The following CSMD1 variants were observed in gnomAD, a reference collection of about 807,000 sequenced individuals.
The protein encoded by CSMD1 is CUB and Sushi multiple domains 1.
A neutral mutation model predicts 417.5 loss-of-function variants in CSMD1; 213 were observed. That is an observed-to-expected ratio of 0.51 (90% CI 0.46 to 0.57). The LOEUF is 0.57. Among genes scored for constraint, CSMD1 ranks in the 20% least tolerant of loss-of-function variants. The pLI is 0.00. For synonymous variants in CSMD1, 2,862 were observed against 1,736.8 expected, an observed-to-expected ratio of 1.65 and a Z score of -16.11; for missense variants, 6,923 against 4,529.7, an observed-to-expected ratio of 1.53 and a Z score of -15.17.
intron 5 of CSMD1, among the ~76,000 whole-genome samples, chr8:3,889,513 T>A (rs1806807403): frequency 8.6e-6 from 1 of 116,238 alleles, no homozygotes; most frequent in South Asian, 3.2e-4. Context: ...CATTAGGTCA[T>A]GATATATACA....
chr8:3,649,746 C>G (rs940610460), intron 7 of CSMD1, among the ~76,000 whole-genome samples: 3 of 152,088 alleles, frequency 2.0e-5, no homozygotes, highest in Non-Finnish European at 4.4e-5. Context: ...GACACAAAGC[C>G]TAACCATAAC....
intron 1 of CSMD1, among the ~76,000 whole-genome samples, chr8:4,840,330 C>T (rs1233134551): frequency 6.6e-6 from 1 of 152,218 alleles, no homozygotes; most frequent in African/African-American, 2.4e-5. Context: ...CAGCTGTTAA[C>T]TGTTATCTGT....
Position 4,419,702 on chromosome 8 carries a change from A to T in CSMD1, c.415+251T>A, listed in dbSNP as rs542782994. Among the ~76,000 whole-genome samples, 3 of 152,282 alleles carry T rather than the reference A, an allele frequency of 2.0e-5. No individual in the cohort carries two copies. The East Asian group carries it at 5.8e-4, about 29-fold the overall frequency. On this transcript the variant is annotated intron_variant, in intron 3 of 69. Coordinates refer to ENST00000635120, the MANE Select transcript of CSMD1 (RefSeq NM_033225.6). ...AATTTCTCAAAACTTATTCGCTACAAATTAACCAAAACAAAACCCCAAGAA... is the reference window on the plus strand; with the variant it reads ...AATTTCTCAAAACTTATTCGCTACATATTAACCAAAACAAAACCCCAAGAA...
chr8:3,327,134 T>G (rs1013029284), intron 23 of CSMD1, among the ~76,000 whole-genome samples: 2 of 144,320 alleles, frequency 1.4e-5, no homozygotes, highest in South Asian at 2.2e-4. Context: ...ACTTGACATC[T>G]TTACAATACC....
Position 3,399,517 on chromosome 8 carries a change from C to A in CSMD1, c.2279G>T (p.Gly760Val). The stretch of plus-strand genomic sequence containing the variant: ...GACTCCGCTGGACGCTGTCAGATGT[C>A]CACCACATGGAGCTAAAACAAGACG... ...TVPRCEAPCG[G>V]HLTASSGVIL... Residue 760 changes from glycine (G) to valine (V), a missense_variant, in exon 16 of 70, where the codon GGA (glycine) becomes GTA (valine). Physicochemically the swap from Gly to Val is moderately radical, Grantham distance 109 (BLOSUM62 -3). Transcript: ENST00000635120. The A allele has an allele frequency of 6.3e-7, 1 of 1,596,028 alleles. No homozygotes were observed. Among genetic ancestry groups the A allele is most frequent in the Non-Finnish European group, 8.5e-7 (1 of 1,172,296 alleles).
intron 20 of CSMD1, among the ~76,000 whole-genome samples, chr8:3,360,134 G>T (rs958961522): frequency 6.6e-6 from 1 of 152,146 alleles, no homozygotes; most frequent in Non-Finnish European, 1.5e-5. Context: ...AGGAACAGTG[G>T]AATTTTCCTC....
chr8:3,128,797 G>GTT (rs1461313691), intron 41 of CSMD1: 1 of 429,884 alleles, frequency 2.3e-6, no homozygotes, highest in Admixed American at 2.9e-5. Flanking sequence ...GTTGTTTCGA[G>GTT]TTTTTGTTTT....
intron 23 of CSMD1, among the ~76,000 whole-genome samples, chr8:3,330,299 T>C (rs1402373643): frequency 6.6e-6 from 1 of 152,204 alleles, no homozygotes; most frequent in South Asian, 2.1e-4. Flanking sequence ...CTCATGCATA[T>C]GTTCGATGCA....
At chr8:3,510,931 G>T (rs1208968222) in intron 10 of CSMD1, among the ~76,000 whole-genome samples, 1 of 151,668 alleles carries the variant, frequency 6.6e-6, no homozygotes, top group African/African-American at 2.4e-5. Context: ...ACATGCACAC[G>T]TATGTTTACT....
intron 1 of CSMD1, among the ~76,000 whole-genome samples, chr8:4,755,833 T>C (rs1811632892): frequency 6.6e-6 from 1 of 152,182 alleles, no homozygotes; most frequent in Non-Finnish European, 1.5e-5. Flanking sequence ...TTACATTAAA[T>C]CACTCCTAGA....
chr8:3,454,078 G>C (rs1451816437), intron 12 of CSMD1, among the ~76,000 whole-genome samples: 1 of 152,004 alleles, frequency 6.6e-6, no homozygotes, highest in Non-Finnish European at 1.5e-5. Flanking sequence ...GGCCTTCTTT[G>C]TCTCTTTTGA....
At chr8:4,149,234 G>A (rs1358368532) in intron 3 of CSMD1, among the ~76,000 whole-genome samples, 2 of 152,072 alleles carry the variant, frequency 1.3e-5, no homozygotes, top group Admixed American at 6.6e-5. Context: ...AAACTGCTGA[G>A]ATAACAGGCA....
chr8:3,996,682 G>T (rs897802988), intron 5 of CSMD1, among the ~76,000 whole-genome samples: 3 of 152,128 alleles, frequency 2.0e-5, no homozygotes, highest in African/African-American at 7.2e-5. Flanking sequence ...TAATCTAAAA[G>T]TGTTGTTCAG....
intron 4 of CSMD1, among the ~76,000 whole-genome samples, chr8:4,000,196 A>T (rs1563303142): frequency 6.6e-6 from 1 of 150,792 alleles, no homozygotes; most frequent in Non-Finnish European, 1.5e-5. Context: ...CGCAGTTTTT[A>T]TTACATTCTT....
chr8:4,132,341 C>A (rs543264419), intron 3 of CSMD1, among the ~76,000 whole-genome samples: 52 of 151,930 alleles, frequency 3.4e-4, no homozygotes, highest in Non-Finnish European at 5.3e-4. Context: ...ATATAAATGT[C>A]CTTTTCTGTA....
At chr8:4,465,225 G>C (rs1302069635) in intron 2 of CSMD1, among the ~76,000 whole-genome samples, 1 of 152,244 alleles carries the variant, frequency 6.6e-6, no homozygotes, top group South Asian at 2.1e-4. Context: ...ATACACATTT[G>C]CTCTGAAGTT....
chr8:4,184,738 T>C (rs529230364), intron 3 of CSMD1, among the ~76,000 whole-genome samples: 1 of 150,680 alleles, frequency 6.6e-6, no homozygotes, highest in African/African-American at 2.4e-5. Context: ...AAATAACTAA[T>C]GGGTACTGGG....
chr8:3,773,084 C>A (rs925857123), intron 5 of CSMD1, among the ~76,000 whole-genome samples: 5 of 152,152 alleles, frequency 3.3e-5, no homozygotes, highest in African/African-American at 1.2e-4. Context: ...TATAAGGACA[C>A]TAATCACACT....
In CSMD1 at chr8:4,046,710, T is replaced by G. The variant is rs139463738; in HGVS notation, c.416-14611A>C. On this transcript the variant is annotated intron_variant, in intron 3 of 69. Coordinates refer to ENST00000635120, the MANE Select transcript of CSMD1 (RefSeq NM_033225.6). ...GATTTTAAAAGGATGTAGATATTATTTAAATGACCTAATGATTTAAACTTT... is the reference window on the plus strand; with the variant it reads ...GATTTTAAAAGGATGTAGATATTATGTAAATGACCTAATGATTTAAACTTT... Among the ~76,000 whole-genome samples the G allele has an allele frequency of 1.2e-4, 19 of 152,348 alleles. No individual in the cohort carries two copies. The East Asian group carries it at 3.7e-3, about 29-fold the overall frequency.
Sources: allele counts gnomAD v4.1 joint callset (sites outside exome capture counted in the v4.1 genomes callset), GRCh38; gene constraint gnomAD v4.1.1; transcripts MANE v1.5; gene names NCBI Gene and HGNC (gene_info 2026-07-23, HGNC 2026-07-21).